The following SMAD9 variants were observed in gnomAD, a reference collection of about 807,000 sequenced individuals.
SMAD9 encodes MAD homolog 9.
In SMAD9, 36 loss-of-function variants were observed where a neutral mutation model predicts 46.1. The ratio of observed to expected loss-of-function variants is 0.78; its 90% CI spans 0.60 to 1.03. The LOEUF (loss-of-function observed/expected upper bound fraction) is 1.03. Ranked by LOEUF, SMAD9 falls within the 50% of genes least tolerant of loss-of-function variation. SMAD9 has a pLI of 0.00. For missense variants in SMAD9, 572 were observed against 599.8 expected, an observed-to-expected ratio of 0.95 and a Z score of 0.48; for synonymous variants, 245 against 237.1, an observed-to-expected ratio of 1.03 and a Z score of -0.31.
intron 1 of SMAD9, among the ~76,000 whole-genome samples, chr13:36,919,103 A>T (rs2058720617): frequency 6.6e-6 from 1 of 152,164 alleles, no homozygotes; most frequent in Admixed American, 6.5e-5. Flanking sequence ...TTTATCTCCA[A>T]ACTCGATTTG....
intron 1 of SMAD9, among the ~76,000 whole-genome samples, chr13:36,895,211 A>G (rs377056391): frequency 6.6e-6 from 1 of 152,118 alleles, no homozygotes; most frequent in Non-Finnish European, 1.5e-5. Flanking sequence ...TGTACCAATG[A>G]TTTCCTTAAC....
chr13:36,904,106 G>A lies in SMAD9; in HGVS notation c.-187+16010C>T, dbSNP rs553889940. 8.0e-4 allele frequency among the ~76,000 whole-genome samples: 122 copies of A among 152,070 alleles called. 1 individual carries two copies. Among genetic ancestry groups the A allele is most frequent in the African/African-American group, 1.7e-3 (72 of 41,458 alleles). The stretch of plus-strand genomic sequence containing the variant: ...GTAAGAGATTAAGCAATATATTGCC[G>A]CTCCACAAATCAAGCCATATGGTCC... On this transcript the variant is annotated intron_variant, in intron 1 of 6. Transcript: ENST00000379826.
chr13:36,886,173 G>A (rs2058443214), intron 1 of SMAD9, among the ~76,000 whole-genome samples: 1 of 152,234 alleles, frequency 6.6e-6, no homozygotes, highest in Non-Finnish European at 1.5e-5. Flanking sequence ...TAAGTATCTT[G>A]TAAAGGTCAC....
At chr13:36,865,452 T>A (rs2058222889) in intron 5 of SMAD9, 85 bp downstream of exon 5, 2 of 1,119,958 alleles carry the variant, frequency 1.8e-6, no homozygotes, top group African/African-American at 1.5e-5. Flanking sequence ...ATGACCAACA[T>A]GTGAGGGTGG....
At chr13:36,886,431 A>G (rs925973119) in intron 1 of SMAD9, among the ~76,000 whole-genome samples, 1 of 152,232 alleles carries the variant, frequency 6.6e-6, no homozygotes, top group Non-Finnish European at 1.5e-5. Context: ...AGATCTCCTC[A>G]ATCTCCAAAA....
chr13:36,856,530 G>T (rs1381820665), intron 5 of SMAD9, among the ~76,000 whole-genome samples: 1 of 152,200 alleles, frequency 6.6e-6, no homozygotes, highest in African/African-American at 2.4e-5. Context: ...AGAAACACCA[G>T]AAAAGGGTGG....
chr13:36,916,648 C>T (rs1245986444), intron 1 of SMAD9, among the ~76,000 whole-genome samples: 1 of 152,020 alleles, frequency 6.6e-6, no homozygotes, highest in Non-Finnish European at 1.5e-5. Flanking sequence ...GTAGATGAAA[C>T]AGTCCCTTCC....
chr13:36,892,687 T>C (rs1266010984), intron 1 of SMAD9, among the ~76,000 whole-genome samples: 2 of 152,196 alleles, frequency 1.3e-5, no homozygotes, highest in African/African-American at 2.4e-5. Context: ...ACTAAGTAGA[T>C]AACTTATCAG....
chr13:36,913,532 A>G (rs943360948), intron 1 of SMAD9, among the ~76,000 whole-genome samples: 2 of 152,238 alleles, frequency 1.3e-5, no homozygotes, highest in African/African-American at 4.8e-5. Flanking sequence ...TTAAAAAAAT[A>G]AAGTGTATTT....
rs537885557 is a variant in SMAD9, at chr13:36,918,245, T to TA, written c.-187+1870dup. On this transcript the variant is annotated intron_variant, in intron 1 of 6. Transcript: ENST00000379826. ...AATGATGTGGCAATTCTAAAGTACT[T>TA]AGAGGTTTAACCCAAAATTTGTTTA... 2.6e-3 allele frequency among the ~76,000 whole-genome samples: 395 copies of TA among 152,340 alleles called. 2 individuals carry two copies. The highest frequency in any genetic ancestry group is 9.4e-3 in the African/African-American group (389 of 41,580).
chr13:36,883,587 C>CA (rs901099282), intron 1 of SMAD9, among the ~76,000 whole-genome samples: 1 of 152,072 alleles, frequency 6.6e-6, no homozygotes, highest in African/African-American at 2.4e-5. Context: ...ACCATCTCTA[C>CA]AAAAAATACA....
chr13:36,903,821 G>A (rs891137055), intron 1 of SMAD9, among the ~76,000 whole-genome samples: 2 of 151,914 alleles, frequency 1.3e-5, no homozygotes, highest in African/African-American at 4.8e-5. Flanking sequence ...TAAATAACCT[G>A]GCAGCCACAT....
chr13:36,848,903 G>T, intron 6 of SMAD9, 84 bp from the exon 7 acceptor site: 1 of 1,380,452 alleles, frequency 7.2e-7, no homozygotes, highest in Admixed American at 1.7e-5. Flanking sequence ...GCGGGGCACA[G>T]AGCCCACACC....
At chr13:36,913,509 A>G (rs536009332) in intron 1 of SMAD9, among the ~76,000 whole-genome samples, 2 of 152,316 alleles carry the variant, frequency 1.3e-5, no homozygotes, top group African/African-American at 2.4e-5. Context: ...CCCAAGATAT[A>G]ATCAATACAA....
intron 1 of SMAD9, among the ~76,000 whole-genome samples, chr13:36,910,220 A>T (rs1029549525): frequency 6.6e-6 from 1 of 152,034 alleles, no homozygotes; most frequent in Admixed American, 6.6e-5. Flanking sequence ...AATTAAAAAC[A>T]AGCTCTTTAA....
At chr13:36,914,294 C>T (rs1183393901) in intron 1 of SMAD9, among the ~76,000 whole-genome samples, 2 of 152,080 alleles carry the variant, frequency 1.3e-5, no homozygotes, top group African/African-American at 2.4e-5. Context: ...CCGAGGCCGG[C>T]GGATCATGAG....
intron 1 of SMAD9, among the ~76,000 whole-genome samples, chr13:36,902,001 T>G (rs1359354025): frequency 6.6e-6 from 1 of 152,260 alleles, no homozygotes; most frequent in African/African-American, 2.4e-5. Flanking sequence ...TTTTTAATTT[T>G]GATGAAATCT....
chr13:36,890,064 T>G (rs1037824194), intron 1 of SMAD9, among the ~76,000 whole-genome samples: 1 of 152,226 alleles, frequency 6.6e-6, no homozygotes, highest in Non-Finnish European at 1.5e-5. Context: ...AAATATCCTT[T>G]TATTCAATGA....
At chr13:36,885,069 T>C (rs771248230) in intron 1 of SMAD9, among the ~76,000 whole-genome samples, 2 of 152,258 alleles carry the variant, frequency 1.3e-5, no homozygotes, top group Non-Finnish European at 2.9e-5. Context: ...GCATTAAGTA[T>C]ACCTTGGTAT....
Sources: gnomAD v4.1 joint callset for allele counts (sites outside exome capture counted in the v4.1 genomes callset) on GRCh38, gnomAD v4.1.1 for gene constraint, MANE v1.5 for transcripts, NCBI Gene and HGNC (gene_info 2026-07-23, HGNC 2026-07-21) for gene names.